CHL1: variants seen among roughly 807,000 people sequenced by gnomAD.
CHL1 encodes neural cell adhesion molecule L1-like protein.
CHL1 carries 96 observed loss-of-function variants against 141.9 expected under a neutral mutation model. The observed-to-expected ratio is 0.68, with a 90% CI of 0.57 to 0.80. CHL1 has a LOEUF of 0.80. Ranked by LOEUF, CHL1 falls within the 30% of genes least tolerant of loss-of-function variation. The probability of loss-of-function intolerance (pLI) is 0.00; values close to 1 mark genes in which losing one functional copy is unlikely to be tolerated. For missense variants in CHL1, 1,820 were observed against 1,457.2 expected, an observed-to-expected ratio of 1.25 and a Z score of -4.05; for synonymous variants, 613 against 502.2, an observed-to-expected ratio of 1.22 and a Z score of -2.95.
At chr3:220,235 A>G (rs1700712271) in intron 1 of CHL1, among the ~76,000 whole-genome samples, 1 of 152,184 alleles carries the variant, frequency 6.6e-6, no homozygotes, top group Non-Finnish European at 1.5e-5. Flanking sequence ...CTTTGTCAAT[A>G]TTCATTGAAT....
chr3:391,069 T>C lies in CHL1; in HGVS notation c.2701T>C (p.Phe901Leu). The C allele has an allele frequency of 1.2e-6, 2 of 1,613,810 alleles. No homozygotes were observed. The highest frequency in any genetic ancestry group is 1.3e-5 in the African/African-American group (1 of 75,064). ...TGGAATGGTTCCTTCCTTAGATGCCTTTAGTGAATTTCATTTAACAGTCTT... is the reference window on the plus strand; with the variant it reads ...TGGAATGGTTCCTTCCTTAGATGCCCTTAGTGAATTTCATTTAACAGTCTT... ...NSGMVPSLDA[F>L]SEFHLTVLAY... Residue 901 changes from phenylalanine to leucine, a missense_variant, in exon 22 of 28, where the codon TTT (phenylalanine) becomes CTT (leucine). Transcript: ENST00000256509.
intron 2 of CHL1, among the ~76,000 whole-genome samples, chr3:317,815 T>C (rs534774542): frequency 2.5e-4 from 38 of 152,064 alleles, no homozygotes; most frequent in African/African-American, 8.7e-4. Flanking sequence ...TTGCTTTTTA[T>C]AATGAAAGCA....
At chr3:320,610 C>G (rs62227231) in intron 3 of CHL1, among the ~76,000 whole-genome samples, 3 of 151,674 alleles carry the variant, frequency 2.0e-5, no homozygotes, top group South Asian at 4.1e-4. Flanking sequence ...TTGCCTGAGC[C>G]CAGGAGTTCA....
chr3:241,085 A>G (rs1002921656), intron 1 of CHL1, among the ~76,000 whole-genome samples: 2 of 152,172 alleles, frequency 1.3e-5, no homozygotes, highest in African/African-American at 4.8e-5. Flanking sequence ...ATGGAACTCA[A>G]GATTTCTTAT....
At chr3:250,154 G>A (rs1039823116) in intron 2 of CHL1, among the ~76,000 whole-genome samples, 2 of 151,874 alleles carry the variant, frequency 1.3e-5, no homozygotes, top group African/African-American at 2.4e-5. Flanking sequence ...TCATAGAGAT[G>A]GGGTCACACT....
chr3:301,139 G>C (rs1035701009), intron 2 of CHL1, among the ~76,000 whole-genome samples: 4 of 152,150 alleles, frequency 2.6e-5, no homozygotes, highest in Non-Finnish European at 5.9e-5. Flanking sequence ...CAGATAGGAA[G>C]TGCTGAGGAA....
intron 2 of CHL1, among the ~76,000 whole-genome samples, chr3:270,028 T>G (rs1003241820): frequency 1.3e-5 from 2 of 152,282 alleles, no homozygotes; most frequent in Non-Finnish European, 2.9e-5. Flanking sequence ...AGAGATGTGA[T>G]AATTCCAAGG....
Position 382,635 on chromosome 3 carries a change from A to T in CHL1, c.2140A>T (p.Ser714Cys). ...AVNEVGRSQP[S>C]QPSDHHETPP... ...GAACGAAGTAGGGAGAAGTCAGCCT[A>T]GCCAGCCGTCAGACCATCATGAAAC... Residue 714 changes from serine to cysteine, a missense_variant, in exon 18 of 28, where the codon AGC becomes TGC. Coordinates refer to ENST00000256509, the MANE Select transcript of CHL1 (RefSeq NM_006614.4). The T allele has an allele frequency of 1.9e-6, 3 of 1,613,806 alleles. No homozygotes were observed. The highest frequency in any genetic ancestry group is 2.5e-6 in the Non-Finnish European group (3 of 1,179,812).
chr3:362,996 C>T (rs1344402560), intron 13 of CHL1, among the ~76,000 whole-genome samples: 2 of 152,160 alleles, frequency 1.3e-5, no homozygotes, highest in African/African-American at 2.4e-5. Flanking sequence ...AGCAGAAGCA[C>T]TGAGCATGGA....
intron 2 of CHL1, among the ~76,000 whole-genome samples, chr3:250,616 G>C (rs62228326): frequency 0.2 from 30,179 of 152,058 alleles, 3,075 homozygotes; most frequent in Middle Eastern, 0.3. Flanking sequence ...GGCCTATAGT[G>C]GGGAGGCAAA....
chr3:239,428 C>T (rs1474319424), intron 1 of CHL1, among the ~76,000 whole-genome samples: 1 of 152,078 alleles, frequency 6.6e-6, no homozygotes, highest in African/African-American at 2.4e-5. Context: ...TCTGCTGCAG[C>T]ATCTCTTTTG....
chr3:197,627 G>A (rs1698455067), intron 1 of CHL1: 1 of 325,558 alleles, frequency 3.1e-6, no homozygotes, highest in Admixed American at 4.4e-5. Flanking sequence ...CTAGATCCCA[G>A]CCCGGGGGGG....
chr3:252,400 A>ATATG (rs1211678687), intron 2 of CHL1, among the ~76,000 whole-genome samples: 1 of 138,940 alleles, frequency 7.2e-6, no homozygotes, highest in African/African-American at 2.6e-5. Flanking sequence ...ATATATATAT[A>ATATG]TTTCTATTTT....
intron 1 of CHL1, among the ~76,000 whole-genome samples, chr3:224,517 G>C (rs938550238): frequency 6.6e-6 from 1 of 151,956 alleles, no homozygotes; most frequent in African/African-American, 2.4e-5. Context: ...TTTAAAAGTA[G>C]GTGGCTCCTC....
chr3:203,168 G>A (rs1699105245), intron 1 of CHL1, among the ~76,000 whole-genome samples: 1 of 152,216 alleles, frequency 6.6e-6, no homozygotes, highest in East Asian at 1.9e-4. Flanking sequence ...TTTCTAAGAA[G>A]AGGCACCATA....
chr3:359,535 T>G (rs146211997), intron 11 of CHL1, among the ~76,000 whole-genome samples: 99 of 152,258 alleles, frequency 6.5e-4, no homozygotes, highest in African/African-American at 2.0e-3. Context: ...ACTCCTGACT[T>G]CAAGTGATCC....
chr3:263,187 C>A (rs1002120884), intron 2 of CHL1, among the ~76,000 whole-genome samples: 1 of 152,140 alleles, frequency 6.6e-6, no homozygotes, highest in African/African-American at 2.4e-5. Flanking sequence ...CTCATTGACC[C>A]CAACTTCTGT....
chr3:270,402 A>G (rs909962306), intron 2 of CHL1, among the ~76,000 whole-genome samples: 2 of 152,158 alleles, frequency 1.3e-5, no homozygotes, highest in Non-Finnish European at 2.9e-5. Flanking sequence ...CTAACCAATC[A>G]TAGGTAGCGA....
chr3:379,854 A>C (rs537289347), intron 16 of CHL1, among the ~76,000 whole-genome samples: 2 of 152,112 alleles, frequency 1.3e-5, no homozygotes, highest in Admixed American at 6.5e-5. Flanking sequence ...ATCTCTCGAC[A>C]ATTGACAATA....
Sources: allele counts gnomAD v4.1 joint callset (sites outside exome capture counted in the v4.1 genomes callset), GRCh38; gene constraint gnomAD v4.1.1; transcripts MANE v1.5; gene names NCBI Gene and HGNC (gene_info 2026-07-23, HGNC 2026-07-21).